Variants in ZNF679 observed in about 807,000 individuals in gnomAD.
The protein encoded by ZNF679 is zinc finger protein 679.
A neutral mutation model predicts 13.4 loss-of-function variants in ZNF679; 10 were observed. That is an observed-to-expected ratio of 0.75 (90% CI 0.46 to 1.27). The LOEUF is 1.27. Among genes scored for constraint, ZNF679 ranks in the 50% most tolerant of loss-of-function variants. ZNF679 has a pLI of 0.00. For missense variants in ZNF679, 525 were observed against 477.8 expected (o/e 1.10, Z -0.92); for synonymous variants, 179 against 162.5 (o/e 1.10, Z -0.77).
rs970166468 is a variant in ZNF679, at chr7:64,236,005, G to T, written c.-91+7353G>T. 2.0e-5 allele frequency among the ~76,000 whole-genome samples: 3 copies of T among 152,046 alleles called. No individual in the cohort carries two copies. In the East Asian group the frequency reaches 5.9e-4, roughly 30 times the overall value. The stretch of plus-strand genomic sequence containing the variant: ...GAAGAGGCCGGGCGTGGTGCCTCAC[G>T]CCTGTAATCCCAACACTGTGGGAGG... On this transcript the variant is annotated intron_variant, in intron 1 of 4. Transcript: ENST00000421025.
intron 1 of ZNF679, among the ~76,000 whole-genome samples, chr7:64,246,423 C>T (rs948557592): frequency 5.9e-5 from 9 of 152,156 alleles, no homozygotes; most frequent in East Asian, 1.9e-4. Flanking sequence ...TCTTGGATCT[C>T]GTACAAGAAA....
At chr7:64,252,061 C>T (rs530870754) in intron 2 of ZNF679, among the ~76,000 whole-genome samples, 1 of 152,286 alleles carries the variant, frequency 6.6e-6, no homozygotes, top group East Asian at 1.9e-4. Context: ...GCAAGAAAAA[C>T]TGACCCCAAT....
intron 2 of ZNF679, among the ~76,000 whole-genome samples, chr7:64,251,155 C>T (rs1421102585): frequency 6.6e-6 from 1 of 151,978 alleles, no homozygotes; most frequent in Non-Finnish European, 1.5e-5. Flanking sequence ...AAATATTTCA[C>T]ATAAGAAGAA....
chr7:64,249,324 C>T (rs1787912312), intron 2 of ZNF679, among the ~76,000 whole-genome samples, 168 bp downstream of exon 2: 1 of 152,132 alleles, frequency 6.6e-6, no homozygotes, highest in East Asian at 1.9e-4. Flanking sequence ...TAATATGGTG[C>T]CTGGGCCAGC....
chr7:64,239,645 T>A (rs72503350), intron 1 of ZNF679, among the ~76,000 whole-genome samples: 7,482 of 152,280 alleles, frequency 0.049, 480 homozygotes, highest in East Asian at 0.34. Context: ...CTTTCCTGCC[T>A]GGACCCTGCC....
At chr7:64,245,421 A>AAGAG (rs372896063) in intron 1 of ZNF679, among the ~76,000 whole-genome samples, 35,927 of 81,122 alleles carry the variant, frequency 0.44, 5,082 homozygotes, top group Non-Finnish European at 0.5. Context: ...GAGAGAGAGA[A>AAGAG]AGAGAGAGAG....
Position 64,258,420 on chromosome 7 carries a change from G to A in ZNF679, c.40-1801G>A, listed in dbSNP as rs541015754. Among the ~76,000 whole-genome samples, 12 of 152,048 alleles carry A rather than the reference G, an allele frequency of 7.9e-5. 1 individual carries two copies. The highest frequency in any genetic ancestry group is 3.4e-3 in the Middle Eastern group (1 of 294). On this transcript the variant is annotated intron_variant, in intron 2 of 4. Coordinates refer to ENST00000421025, the MANE Select transcript of ZNF679 (RefSeq NM_153363.3). The stretch of plus-strand genomic sequence containing the variant: ...ATGTCTCAGATCAAGAGTAGTGTGC[G>A]GGCCGGGCGTGGTGGCTTACGCATA...
At chr7:64,247,793 C>T (rs527652881) in intron 1 of ZNF679, among the ~76,000 whole-genome samples, 1 of 151,846 alleles carries the variant, frequency 6.6e-6, no homozygotes, top group Non-Finnish European at 1.5e-5. Flanking sequence ...TTCAGGTGGT[C>T]GACCACCTCG....
chr7:64,244,231 C>T (rs1787837217), intron 1 of ZNF679, among the ~76,000 whole-genome samples: 1 of 152,002 alleles, frequency 6.6e-6, no homozygotes, highest in South Asian at 2.1e-4. Context: ...GCCTGAGTGA[C>T]AGAGCGAGAC....
intron 1 of ZNF679, among the ~76,000 whole-genome samples, chr7:64,236,967 A>T (rs1471403772): frequency 2.1e-4 from 5 of 23,996 alleles, no homozygotes; most frequent in African/African-American, 6.8e-4. Context: ...GAAAGAAAGA[A>T]AGAAAGAAAA....
chr7:64,247,979 C>A (rs569960568), intron 1 of ZNF679, among the ~76,000 whole-genome samples: 5 of 152,146 alleles, frequency 3.3e-5, no homozygotes, highest in African/African-American at 1.2e-4. Context: ...TGTATTAGTC[C>A]ATTTTCACAC....
rs745857033 is a variant in ZNF679, at chr7:64,266,490, A to C, written c.857A>C (p.His286Pro). ...AFSRSSTLAN[H>P]KRIHTGEKPY... is the part of the protein sequence containing the mutation. ...AGCCGCTCCTCAACACTTGCTAACC[A>C]CAAGAGAATTCATACTGGAGAGAAA... Residue 286 changes from histidine (H) to proline (P), a missense_variant, in exon 5 of 5, where the codon CAC becomes CCC. His to Pro is a moderately conservative substitution (Grantham distance 77). Transcript: ENST00000421025. The C allele has an allele frequency of 1.2e-6, 2 of 1,613,588 alleles. No individual in the cohort carries two copies. Among genetic ancestry groups the C allele is most frequent in the East Asian group, 2.2e-5 (1 of 44,814 alleles).
chr7:64,230,539 C>CAAAAAA (rs948433156), intron 1 of ZNF679, among the ~76,000 whole-genome samples: 6 of 61,110 alleles, frequency 9.8e-5, no homozygotes, highest in Admixed American at 1.6e-4. Context: ...GACTCCGTCT[C>CAAAAAA]AAAAAAAAAA....
chr7:64,252,768 A>G (rs1444163797), intron 2 of ZNF679, among the ~76,000 whole-genome samples: 1 of 152,106 alleles, frequency 6.6e-6, no homozygotes, highest in Non-Finnish European at 1.5e-5. Context: ...CCCAGGCTGG[A>G]GTGCAGTGGC....
intron 2 of ZNF679, among the ~76,000 whole-genome samples, chr7:64,254,932 G>A (rs1233209723): frequency 6.7e-6 from 1 of 150,076 alleles, no homozygotes; most frequent in East Asian, 2.0e-4. Context: ...CTCAGGAGGT[G>A]GAGGTTGCAG....
chr7:64,260,391 T>C, intron 3 of ZNF679, 44 bp downstream of exon 3: 6 of 1,558,290 alleles, frequency 3.9e-6, no homozygotes, highest in Non-Finnish European at 5.2e-6. Flanking sequence ...ATTTCTTTTC[T>C]CTCTTTTCTA....
chr7:64,259,885 G>A (rs1416611840), intron 2 of ZNF679, among the ~76,000 whole-genome samples: 1 of 151,790 alleles, frequency 6.6e-6, no homozygotes, highest in Non-Finnish European at 1.5e-5. Context: ...CCAAGATCAT[G>A]CCACTGCACT....
intron 4 of ZNF679, among the ~76,000 whole-genome samples, chr7:64,264,828 G>A (rs1187874377): frequency 3.3e-5 from 5 of 151,882 alleles, no homozygotes; most frequent in South Asian, 4.1e-4. Flanking sequence ...TTAAATATGT[G>A]TTATGGATCT....
In ZNF679 at chr7:64,266,612, G is replaced by T; in HGVS notation, c.979G>T (p.Glu327Ter). ...TACTGGAGAGAAACCCTACACATGT[G>T]AAGAATGTGGCAAAGCCTTTAACTG... ...IHTGEKPYTC[E>*]ECGKAFNCSS... is the part of the protein sequence containing the mutation. Residue 327 changes from glutamate (E) to a stop codon, truncating the protein, a stop_gained, in exon 5 of 5, where the codon GAA becomes TAA. Coordinates refer to ENST00000421025, the MANE Select transcript of ZNF679 (RefSeq NM_153363.3). LOFTEE classifies it low-confidence loss of function (END_TRUNC). The T allele has an allele frequency of 6.2e-7, 1 of 1,610,526 alleles. No individual in the cohort carries two copies. The highest frequency in any genetic ancestry group is 8.5e-7 in the Non-Finnish European group (1 of 1,176,994).
Sources: gnomAD v4.1 joint callset for allele counts (sites outside exome capture counted in the v4.1 genomes callset) on GRCh38, gnomAD v4.1.1 for gene constraint, MANE v1.5 for transcripts, NCBI Gene and HGNC (gene_info 2026-07-23, HGNC 2026-07-21) for gene names.